The following CNTNAP4 variants were observed in gnomAD, a reference collection of about 807,000 sequenced individuals.
The protein encoded by CNTNAP4 is contactin-associated protein-like 4.
CNTNAP4 carries 98 observed loss-of-function variants against 148.4 expected under a neutral mutation model. The observed-to-expected ratio is 0.66, with a 90% CI of 0.56 to 0.78. The LOEUF (loss-of-function observed/expected upper bound fraction) is 0.78, where lower values mean the gene tolerates loss of function less well. CNTNAP4 is among the 30% of genes least tolerant of loss of function. The probability of loss-of-function intolerance (pLI) is 0.00; values close to 1 mark genes in which losing one functional copy is unlikely to be tolerated. For missense variants in CNTNAP4, 1,935 were observed against 1,565.6 expected, an observed-to-expected ratio of 1.24 and a Z score of -3.98; for synonymous variants, 730 against 565.1, an observed-to-expected ratio of 1.29 and a Z score of -4.14.
chr16:76,539,970 G>A, intron 20 of CNTNAP4, 118 bp downstream of exon 20: 2 of 689,268 alleles, frequency 2.9e-6, no homozygotes, highest in Non-Finnish European at 4.7e-6. Flanking sequence ...GTCTTCTTCT[G>A]CAGATAATAG....
chr16:76,484,275 G>GAA (rs10622949), intron 12 of CNTNAP4, among the ~76,000 whole-genome samples: 1,678 of 71,204 alleles, frequency 0.024, 199 homozygotes, highest in African/African-American at 0.088. Context: ...GGAGAGAAAT[G>GAA]AAAAAAAAAA....
intron 1 of CNTNAP4, 115 bp downstream of exon 1, chr16:76,277,862 A>G (rs1420308115): frequency 1.4e-6 from 1 of 707,754 alleles, no homozygotes; most frequent in Non-Finnish European, 2.5e-6. Context: ...GTATTGCTGT[A>G]AACCAAGCAT....
At chr16:76,510,679 G>T (rs1235022318) in intron 15 of CNTNAP4, among the ~76,000 whole-genome samples, 1 of 152,058 alleles carries the variant, frequency 6.6e-6, no homozygotes, top group East Asian at 1.9e-4. Context: ...CTTTTTAGTT[G>T]ACTGTATTTC....
chr16:76,433,903 A>T (rs2079709463), intron 4 of CNTNAP4, among the ~76,000 whole-genome samples: 1 of 152,138 alleles, frequency 6.6e-6, no homozygotes, highest in East Asian at 1.9e-4. Flanking sequence ...ATAGACTCTG[A>T]TTGGCCTAAA....
At position 76,444,032 on chromosome 16, in the gene CNTNAP4, A is replaced by C. The variant is rs80113550; in HGVS notation, c.539-3980A>C. ...ATACAGAATATACATGTATCAAAGA[A>C]GTATTTGATTCATTAATGAAGGAAT... On this transcript the variant is annotated intron_variant, in intron 4 of 23. Transcript: ENST00000611870. 6.6e-5 allele frequency among the ~76,000 whole-genome samples: 10 copies of C among 152,338 alleles called. No individual in the cohort carries two copies. The East Asian group carries it at 1.9e-3, about 29-fold the overall frequency.
chr16:76,513,679 T>G (rs1452877630), intron 15 of CNTNAP4, among the ~76,000 whole-genome samples: 1 of 152,200 alleles, frequency 6.6e-6, no homozygotes, highest in African/African-American at 2.4e-5. Flanking sequence ...TGTGCCTACT[T>G]AAAAACAGTA....
intron 10 of CNTNAP4, 86 bp from the exon 11 acceptor site, chr16:76,475,849 ATCTG>A: frequency 2.5e-6 from 2 of 799,858 alleles, no homozygotes; most frequent in Non-Finnish European, 4.2e-6. Context: ...TATAGTTGAC[ATCTG>A]TCTTTCTCAT....
At chr16:76,524,896 C>A (rs938137825) in intron 17 of CNTNAP4, among the ~76,000 whole-genome samples, 1 of 152,020 alleles carries the variant, frequency 6.6e-6, no homozygotes, top group East Asian at 1.9e-4. Context: ...GCATTTTCCT[C>A]CTTCCTGCTC....
At chr16:76,313,724 G>A (rs1333745999) in intron 1 of CNTNAP4, among the ~76,000 whole-genome samples, 2 of 152,070 alleles carry the variant, frequency 1.3e-5, no homozygotes, top group African/African-American at 4.8e-5. Flanking sequence ...TAAGCTCTTG[G>A]GAAAGGCATT....
intron 1 of CNTNAP4, 52 bp downstream of exon 1, chr16:76,277,799 T>G: frequency 9.1e-7 from 1 of 1,093,506 alleles, no homozygotes. Flanking sequence ...TCTGCAAAAC[T>G]TTGATTCTGT....
At chr16:76,319,240 A>G (rs1456361237) in intron 2 of CNTNAP4, among the ~76,000 whole-genome samples, 3 of 152,058 alleles carry the variant, frequency 2.0e-5, no homozygotes, top group Non-Finnish European at 4.4e-5. Flanking sequence ...AGATACAAAA[A>G]AGTTAGCCAG....
At chr16:76,441,897 A>G (rs1411226458) in intron 4 of CNTNAP4, among the ~76,000 whole-genome samples, 1 of 152,154 alleles carries the variant, frequency 6.6e-6, no homozygotes, top group East Asian at 1.9e-4. Context: ...CAACAATCCT[A>G]AGAAGACTAT....
At chr16:76,490,086 G>A (rs1217064333) in intron 13 of CNTNAP4, among the ~76,000 whole-genome samples, 1 of 152,150 alleles carries the variant, frequency 6.6e-6, no homozygotes, top group Non-Finnish European at 1.5e-5. Flanking sequence ...TTTACACTGA[G>A]CTTTATTCAA....
chr16:76,491,031 A>T (rs2082200010), intron 13 of CNTNAP4, among the ~76,000 whole-genome samples: 1 of 152,084 alleles, frequency 6.6e-6, no homozygotes, highest in Non-Finnish European at 1.5e-5. Context: ...TGTCGTTCTG[A>T]CATTTGAACC....
intron 8 of CNTNAP4, among the ~76,000 whole-genome samples, chr16:76,458,794 C>G (rs2080831167): frequency 6.6e-6 from 1 of 152,110 alleles, no homozygotes; most frequent in African/African-American, 2.4e-5. Context: ...TTGGGGACGC[C>G]TATTTTTGGT....
At chr16:76,506,494 T>TTTC (rs2082840964) in intron 15 of CNTNAP4, among the ~76,000 whole-genome samples, 4 of 67,856 alleles carry the variant, frequency 5.9e-5, no homozygotes, top group African/African-American at 1.5e-4. Context: ...TTTTTTTTTT[T>TTTC]TTTTTTGACA....
At chr16:76,348,775 G>A (rs1286558113) in intron 2 of CNTNAP4, among the ~76,000 whole-genome samples, 2 of 151,680 alleles carry the variant, frequency 1.3e-5, no homozygotes, top group African/African-American at 4.8e-5. Context: ...GATTGGAGTC[G>A]GCCCAAGAAG....
intron 13 of CNTNAP4, among the ~76,000 whole-genome samples, chr16:76,491,020 CTGT>C (rs2082199382): frequency 6.6e-6 from 1 of 152,006 alleles, no homozygotes; most frequent in African/African-American, 2.4e-5. Flanking sequence ...AAACGCTGAA[CTGT>C]CGTTCTGACA....
intron 4 of CNTNAP4, among the ~76,000 whole-genome samples, chr16:76,441,042 A>G (rs2080018623): frequency 6.6e-6 from 1 of 152,244 alleles, no homozygotes; most frequent in South Asian, 2.1e-4. Context: ...CGTTTTTACA[A>G]TTTAGTTGAG....
Sources: allele counts gnomAD v4.1 joint callset (sites outside exome capture counted in the v4.1 genomes callset), GRCh38; gene constraint gnomAD v4.1.1; transcripts MANE v1.5; gene names NCBI Gene and HGNC (gene_info 2026-07-23, HGNC 2026-07-21).